PTPRG: variants seen among roughly 807,000 people sequenced by gnomAD.
PTPRG encodes protein tyrosine phosphatase receptor type G.
A neutral mutation model predicts 165.3 loss-of-function variants in PTPRG; 102 were observed. That is an observed-to-expected ratio of 0.62 (90% CI 0.53 to 0.73). The LOEUF (loss-of-function observed/expected upper bound fraction) is 0.73, where lower values mean the gene tolerates loss of function less well. PTPRG is among the 30% of genes least tolerant of loss of function. The pLI, the probability that PTPRG is intolerant of heterozygous loss-of-function variation, is 0.00. For missense variants in PTPRG, 1,866 were observed against 1,861.4 expected, an observed-to-expected ratio of 1.00 and a Z score of -0.05; for synonymous variants, 675 against 669.5, an observed-to-expected ratio of 1.01 and a Z score of -0.13.
At chr3:62,197,204 T>C (rs545816560) in intron 10 of PTPRG, among the ~76,000 whole-genome samples, 4 of 152,290 alleles carry the variant, frequency 2.6e-5, no homozygotes, top group Admixed American at 1.3e-4. Context: ...ACCTACCCCA[T>C]AGGGTCTTTG....
At chr3:61,959,967 C>G (rs930678864) in intron 2 of PTPRG, among the ~76,000 whole-genome samples, 8 of 152,182 alleles carry the variant, frequency 5.3e-5, no homozygotes, top group Non-Finnish European at 1.0e-4. Flanking sequence ...TCTGCAGCTT[C>G]TGTTCATGCT....
At chr3:61,597,569 A>G (rs13319699) in intron 1 of PTPRG, among the ~76,000 whole-genome samples, 4,347 of 152,288 alleles carry the variant, frequency 0.029, 192 homozygotes, top group African/African-American at 0.097. Flanking sequence ...TCCATTTGTT[A>G]AAGGGTCTGA....
intron 1 of PTPRG, among the ~76,000 whole-genome samples, chr3:61,690,721 C>A (rs531541215): frequency 6.6e-6 from 1 of 152,274 alleles, no homozygotes; most frequent in East Asian, 1.9e-4. Context: ...CTGGTAGTGA[C>A]TCCTCTTCTC....
chr3:62,248,244 C>G (rs1701333926), intron 15 of PTPRG, among the ~76,000 whole-genome samples: 1 of 152,150 alleles, frequency 6.6e-6, no homozygotes. Context: ...TGGTTAGTGC[C>G]TGTTCCATGC....
At chr3:62,073,350 AG>A (rs1170097637) in intron 4 of PTPRG, among the ~76,000 whole-genome samples, 1 of 152,256 alleles carries the variant, frequency 6.6e-6, no homozygotes, top group Non-Finnish European at 1.5e-5. Context: ...TAATTATGAA[AG>A]GAAAATTAAT....
At chr3:61,810,830 G>C (rs892993423) in intron 2 of PTPRG, among the ~76,000 whole-genome samples, 1 of 151,918 alleles carries the variant, frequency 6.6e-6, no homozygotes, top group Non-Finnish European at 1.5e-5. Context: ...TGTAATGAGG[G>C]TAGCTGAATT....
chr3:62,222,245 G>GAGC lies in PTPRG; in HGVS notation c.2288+3264_2288+3266dup, dbSNP rs1293641208. Among the ~76,000 whole-genome samples, 5 of 152,220 alleles carry GAGC rather than the reference G, an allele frequency of 3.3e-5. No individual in the cohort carries two copies. Among genetic ancestry groups the GAGC allele is most frequent in the Non-Finnish European group, 4.4e-5 (3 of 68,036 alleles). On this transcript the variant is annotated intron_variant, in intron 13 of 29. Transcript: ENST00000474889. The surrounding 1 kb of genome is among the most constrained non-coding windows in gnomAD (Gnocchi z 4.5). Reference sequence around the variant, plus strand: ...TGATTCATGGAATTGAGAAGTTCAGGAGCATTGGGCCTGGCTGAATTTGTA... The same window carrying GAGC: ...TGATTCATGGAATTGAGAAGTTCAGGAGCAGCATTGGGCCTGGCTGAATTTGTA...
At chr3:62,128,902 G>A (rs1480454345) in intron 5 of PTPRG, among the ~76,000 whole-genome samples, 1 of 151,896 alleles carries the variant, frequency 6.6e-6, no homozygotes, top group African/African-American at 2.4e-5. Context: ...ATGCCTGACT[G>A]GAACAAATCC....
chr3:61,644,354 G>C (rs1047509102), intron 1 of PTPRG, among the ~76,000 whole-genome samples: 1 of 152,170 alleles, frequency 6.6e-6, no homozygotes, highest in Non-Finnish European at 1.5e-5. Context: ...TTCCAAAGAG[G>C]GGGTGGCCTG....
At chr3:62,005,383 C>T (rs2041271731) in intron 4 of PTPRG, among the ~76,000 whole-genome samples, 1 of 152,178 alleles carries the variant, frequency 6.6e-6, no homozygotes, top group African/African-American at 2.4e-5. Context: ...GATTTTCCTT[C>T]TGGTCTTGCT....
intron 14 of PTPRG, among the ~76,000 whole-genome samples, chr3:62,232,689 T>C (rs1477987821): frequency 6.6e-6 from 1 of 152,184 alleles, no homozygotes; most frequent in African/African-American, 2.4e-5. Flanking sequence ...AGTGGGCCCA[T>C]TATAGATATA....
intron 1 of PTPRG, among the ~76,000 whole-genome samples, chr3:61,646,761 TCA>T (rs1702212558): frequency 6.6e-6 from 1 of 152,216 alleles, no homozygotes; most frequent in African/African-American, 2.4e-5. Context: ...GACAGTTCCA[TCA>T]CTGCAAAGAT....
At chr3:61,788,998 A>G (rs2107118315) in intron 2 of PTPRG, among the ~76,000 whole-genome samples, 1 of 152,298 alleles carries the variant, frequency 6.6e-6, no homozygotes, top group East Asian at 1.9e-4. Flanking sequence ...TCTCATGTTT[A>G]GGTGCTGTGT....
chr3:61,874,258 A>G (rs531010049), intron 2 of PTPRG, among the ~76,000 whole-genome samples: 4 of 152,262 alleles, frequency 2.6e-5, no homozygotes, highest in African/African-American at 9.6e-5. Flanking sequence ...GTGGCCTAAA[A>G]GCATTTGCTG....
chr3:62,235,271 C>T (rs987415325), intron 14 of PTPRG, among the ~76,000 whole-genome samples: 1 of 152,256 alleles, frequency 6.6e-6, no homozygotes, highest in Admixed American at 6.5e-5. Flanking sequence ...TGGAGAGCCC[C>T]TCAAGCCTCA....
At chr3:62,266,725 C>T (rs1701886808) in intron 17 of PTPRG, among the ~76,000 whole-genome samples, 1 of 150,568 alleles carries the variant, frequency 6.6e-6, no homozygotes, top group South Asian at 2.1e-4. Context: ...TGGGTTTTGC[C>T]CATTCTGTTT....
chr3:62,131,637 G>A (rs1328621343), intron 5 of PTPRG, among the ~76,000 whole-genome samples: 1 of 152,130 alleles, frequency 6.6e-6, no homozygotes, highest in African/African-American at 2.4e-5. Flanking sequence ...CAGGAGCTAT[G>A]CTGGCCGTAG....
rs1432842097 is a variant in PTPRG, at chr3:62,252,719, A to G, written c.2468-2405A>G. Among the ~76,000 whole-genome samples, 1 of 151,338 alleles carries G rather than the reference A, an allele frequency of 6.6e-6. No individual in the cohort carries two copies. Among genetic ancestry groups the G allele is most frequent in the Non-Finnish European group, 1.5e-5 (1 of 68,030 alleles). ...AAAAATTATGAGAATGATTAGAATA[A>G]TTAGTCATAGCCTTATATTCATCTC... On this transcript the variant is annotated intron_variant, in intron 15 of 29. Transcript: ENST00000474889. This position sits in a 1 kb window ranked among gnomAD's most constrained non-coding sequence, Gnocchi z 4.6.
At chr3:61,869,017 G>C (rs141757901) in intron 2 of PTPRG, among the ~76,000 whole-genome samples, 1 of 151,586 alleles carries the variant, frequency 6.6e-6, no homozygotes, top group Non-Finnish European at 1.5e-5. Flanking sequence ...TAGTTTCCAC[G>C]CTTCATAAAG....
Sources: allele counts gnomAD v4.1 joint callset (sites outside exome capture counted in the v4.1 genomes callset), GRCh38; gene constraint gnomAD v4.1.1; non-coding constraint Gnocchi (gnomAD v3.1); transcripts MANE v1.5; gene names NCBI Gene and HGNC (gene_info 2026-07-23, HGNC 2026-07-21).